Variants in RUNX1T1 observed in about 807,000 individuals in gnomAD.
RUNX1T1 encodes the protein RUNX1 partner transcriptional co-repressor 1, also known as protein CBFA2T1.
Under a neutral mutation model 62.8 loss-of-function variants are expected in RUNX1T1, and 4 were observed. The observed-to-expected ratio is 0.06, with a 90% CI of 0.03 to 0.15. RUNX1T1 has a LOEUF of 0.15. Among genes scored for constraint, RUNX1T1 ranks in the 10% least tolerant of loss-of-function variants. RUNX1T1 has a pLI of 1.00. For missense variants in RUNX1T1, 508 were observed against 754.3 expected (o/e 0.67, Z 3.82); for synonymous variants, 291 against 286.0 (o/e 1.02, Z -0.18).
intron 10 of RUNX1T1, among the ~76,000 whole-genome samples, chr8:91,965,544 T>A (rs1364394292): frequency 6.6e-6 from 1 of 152,128 alleles, no homozygotes; most frequent in Admixed American, 6.5e-5. Context: ...TGTTTCTCCT[T>A]GTTATCTTCT....
chr8:91,996,323 T>A (rs1172858328), intron 5 of RUNX1T1, among the ~76,000 whole-genome samples: 1 of 152,204 alleles, frequency 6.6e-6, no homozygotes, highest in Non-Finnish European at 1.5e-5. Context: ...TGCCTCAGCC[T>A]CCTGAGTAGC....
chr8:92,033,410 G>T (rs939774062), intron 1 of RUNX1T1, among the ~76,000 whole-genome samples: 3 of 152,146 alleles, frequency 2.0e-5, no homozygotes, highest in Admixed American at 2.0e-4. Flanking sequence ...AGACTAGAAG[G>T]GTACGTATAA....
intron 1 of RUNX1T1, among the ~76,000 whole-genome samples, chr8:92,094,319 C>G (rs1451847183): frequency 6.6e-6 from 1 of 152,132 alleles, no homozygotes; most frequent in Non-Finnish European, 1.5e-5. Context: ...GCAAAACAAC[C>G]ATCTTTTCCA....
chr8:92,085,244 T>C (rs1835912655), intron 1 of RUNX1T1, among the ~76,000 whole-genome samples: 2 of 152,188 alleles, frequency 1.3e-5, no homozygotes, highest in Admixed American at 6.5e-5. Flanking sequence ...CCAGTCAACC[T>C]GGGCGACACA....
At chr8:92,017,871 C>T (rs1823319389) in intron 1 of RUNX1T1, among the ~76,000 whole-genome samples, 1 of 152,158 alleles carries the variant, frequency 6.6e-6, no homozygotes, top group Non-Finnish European at 1.5e-5. Context: ...AATAGGTTAT[C>T]GTCTTCCAGG....
chr8:92,094,957 G>C lies in RUNX1T1; in HGVS notation c.-86+4623C>G, dbSNP rs1837570930. 3 of 1,097,614 alleles carry C rather than the reference G, an allele frequency of 2.7e-6. No individual in the cohort carries two copies. The South Asian group carries it at 4.1e-5, about 15-fold the overall frequency. The allele number at this position is 1,097,614 out of a possible 1,614,324, so 68.0% of individuals were successfully genotyped here. A position where few individuals can be genotyped will look rare whatever the true frequency, so the allele number is the denominator to read the frequency against. On this transcript the variant is annotated intron_variant, in intron 1 of 11. Transcript: ENST00000265814. ...AATAATCTATTGTTCCCCCTTTATC[G>C]AGTCTCTTTAAACCTATTCAGACTG...
chr8:92,018,043 AAC>A (rs1327622354), intron 1 of RUNX1T1, among the ~76,000 whole-genome samples: 3 of 151,472 alleles, frequency 2.0e-5, no homozygotes. Context: ...AATAATCTCA[AAC>A]AGAGTTAAGA....
intron 1 of RUNX1T1, among the ~76,000 whole-genome samples, chr8:92,076,474 T>G (rs1033388802): frequency 7.2e-5 from 11 of 152,104 alleles, no homozygotes; most frequent in Non-Finnish European, 1.6e-4. Context: ...TTCAAAAAAA[T>G]AAATAATCTG....
chr8:91,964,025 A>G (rs536422135), intron 10 of RUNX1T1, among the ~76,000 whole-genome samples: 1 of 152,310 alleles, frequency 6.6e-6, no homozygotes, highest in South Asian at 2.1e-4. Context: ...TCTGAAAAGT[A>G]AGAATAAGTC....
chr8:91,977,735 T>A (rs904548840), intron 8 of RUNX1T1, among the ~76,000 whole-genome samples: 4 of 152,084 alleles, frequency 2.6e-5, no homozygotes, highest in African/African-American at 9.7e-5. Flanking sequence ...AAGTAGCAAT[T>A]TTTTTTTCAT....
chr8:92,074,874 C>G (rs1284388284), intron 2 of RUNX1T1, among the ~76,000 whole-genome samples: 2 of 152,130 alleles, frequency 1.3e-5, no homozygotes, highest in African/African-American at 4.8e-5. Flanking sequence ...AAGGGAAATA[C>G]AGACACAGAA....
At chr8:92,050,017 T>C (rs1331672591) in intron 1 of RUNX1T1, among the ~76,000 whole-genome samples, 2 of 152,194 alleles carry the variant, frequency 1.3e-5, no homozygotes, top group African/African-American at 4.8e-5. Flanking sequence ...AACCTTCATA[T>C]ATATAACCAC....
upstream of RUNX1T1, among the ~76,000 whole-genome samples, chr8:92,066,231 T>C (rs1465932440): frequency 6.6e-6 from 1 of 152,180 alleles, no homozygotes; most frequent in Non-Finnish European, 1.5e-5. Context: ...AAGACCCCCC[T>C]GCTCTTAGAG....
intron 2 of RUNX1T1, among the ~76,000 whole-genome samples, chr8:92,071,698 C>T (rs536630497): frequency 3.9e-5 from 6 of 152,190 alleles, no homozygotes; most frequent in East Asian, 3.9e-4. Context: ...GAGCGCCAGG[C>T]GGCTGTGAGA....
chr8:92,053,228 GTTAC>G (rs1408201145), intron 1 of RUNX1T1, among the ~76,000 whole-genome samples: 1 of 152,024 alleles, frequency 6.6e-6, no homozygotes, highest in Non-Finnish European at 1.5e-5. Flanking sequence ...CTATCAAATT[GTTAC>G]TTACCTAGGA....
intron 2 of RUNX1T1, among the ~76,000 whole-genome samples, chr8:92,069,517 T>C (rs1183688690): frequency 2.0e-5 from 3 of 152,174 alleles, no homozygotes; most frequent in Non-Finnish European, 4.4e-5. Flanking sequence ...TCAAAATCTA[T>C]GCACACATAC....
intron 1 of RUNX1T1, among the ~76,000 whole-genome samples, chr8:92,090,244 A>G (rs148683105): frequency 3.7e-4 from 57 of 152,030 alleles, no homozygotes; most frequent in Non-Finnish European, 1.9e-4. Context: ...ACTAGTTACA[A>G]ACTCTTTTTT....
intron 8 of RUNX1T1, among the ~76,000 whole-genome samples, chr8:91,979,173 T>C (rs1250852608): frequency 6.6e-6 from 1 of 152,216 alleles, no homozygotes; most frequent in Non-Finnish European, 1.5e-5. Flanking sequence ...ACTACTTTAA[T>C]AGATTCAGAA....
At chr8:92,060,553 A>ATG (rs1271953758) in intron 1 of RUNX1T1, among the ~76,000 whole-genome samples, 866 of 63,850 alleles carry the variant, frequency 0.014, 14 homozygotes, top group Middle Eastern at 0.04. Flanking sequence ...ATATATATAT[A>ATG]TGTGTGTGTG....
Sources: gnomAD v4.1 joint callset for allele counts (sites outside exome capture counted in the v4.1 genomes callset) on GRCh38, gnomAD v4.1.1 for gene constraint, MANE v1.5 for transcripts, NCBI Gene and HGNC (gene_info 2026-07-23, HGNC 2026-07-21) for gene names.